MACROD2: variants seen among roughly 807,000 people sequenced by gnomAD.
MACROD2 encodes ADP-ribose glycohydrolase MACROD2.
MACROD2 carries 36 observed loss-of-function variants against 70.4 expected under a neutral mutation model. The observed-to-expected ratio is 0.51, with a 90% CI of 0.39 to 0.68. MACROD2 has a LOEUF of 0.68. MACROD2 is among the 30% of genes least tolerant of loss of function. The pLI, the probability that MACROD2 is intolerant of heterozygous loss-of-function variation, is 0.00. For synonymous variants in MACROD2, 172 were observed against 178.8 expected, an observed-to-expected ratio of 0.96 and a Z score of 0.30; for missense variants, 496 against 538.4, an observed-to-expected ratio of 0.92 and a Z score of 0.78.
intron 5 of MACROD2, among the ~76,000 whole-genome samples, chr20:14,707,088 A>G (rs533069133): frequency 6.6e-6 from 1 of 152,202 alleles, no homozygotes; most frequent in South Asian, 2.1e-4. Context: ...AGGATCCCAG[A>G]TTTTATAAAA....
chr20:15,635,785 C>A (rs1208233706), intron 8 of MACROD2, among the ~76,000 whole-genome samples: 1 of 151,922 alleles, frequency 6.6e-6, no homozygotes, highest in Non-Finnish European at 1.5e-5. Context: ...TCCCCAAGGG[C>A]AGCTGGGCAC....
intron 8 of MACROD2, among the ~76,000 whole-genome samples, chr20:15,555,895 A>T (rs1368262036): frequency 6.6e-6 from 1 of 150,780 alleles, no homozygotes; most frequent in Non-Finnish European, 1.5e-5. Context: ...ATTAACTGGG[A>T]TTGAAAGTGT....
At chr20:15,111,348 G>A (rs2123221875) in intron 5 of MACROD2, among the ~76,000 whole-genome samples, 1 of 151,728 alleles carries the variant, frequency 6.6e-6, no homozygotes, top group Non-Finnish European at 1.5e-5. Context: ...AATTGTTGTA[G>A]TTTTAGTAGA....
rs556285719 is a variant in MACROD2 at position 14,807,690 on chromosome 20, C to G, written c.418+122731C>G. Reference sequence around the variant, plus strand: ...AACCCAATGGAAGGAAGCTAAGAACCTTGATAAAAGGTTAGAGGAACGGCT... The same window carrying G: ...AACCCAATGGAAGGAAGCTAAGAACGTTGATAAAAGGTTAGAGGAACGGCT... On this transcript the variant is annotated intron_variant, in intron 5 of 17. Coordinates refer to ENST00000684519, the MANE Select transcript of MACROD2 (RefSeq NM_001351661.2). Among the ~76,000 whole-genome samples, 66 of 152,142 alleles carry G rather than the reference C, an allele frequency of 4.3e-4. No individual in the cohort carries two copies. The Middle Eastern group carries it at 0.014, about 31-fold the overall frequency.
intron 7 of MACROD2, among the ~76,000 whole-genome samples, chr20:15,481,630 A>G (rs2146455187): frequency 6.6e-6 from 1 of 152,288 alleles, no homozygotes; most frequent in Middle Eastern, 3.4e-3. Context: ...AAGAAAAGCC[A>G]GAGAGCCTAC....
intron 5 of MACROD2, among the ~76,000 whole-genome samples, chr20:14,727,897 G>A (rs1188714241): frequency 6.6e-6 from 1 of 152,052 alleles, no homozygotes. Flanking sequence ...TTATATTAGT[G>A]ACTATTTTAA....
intron 8 of MACROD2, among the ~76,000 whole-genome samples, chr20:15,586,428 T>C (rs957867350): frequency 6.6e-6 from 1 of 152,254 alleles, no homozygotes; most frequent in Admixed American, 6.5e-5. Flanking sequence ...CATTAATTGA[T>C]TTTTCTTTTA....
intron 5 of MACROD2, among the ~76,000 whole-genome samples, chr20:15,035,520 TATCTC>T (rs545271826): frequency 7.2e-4 from 110 of 152,306 alleles, no homozygotes; most frequent in Non-Finnish European, 1.1e-3. Flanking sequence ...AATTTGATCT[TATCTC>T]AAGCCAGCAA....
chr20:14,798,315 AT>A (rs1289837157), intron 5 of MACROD2, among the ~76,000 whole-genome samples: 3 of 151,932 alleles, frequency 2.0e-5, no homozygotes, highest in Middle Eastern at 3.2e-3. Flanking sequence ...CAAAAGTCTA[AT>A]TTTTTTCCCT....
chr20:14,530,246 G>C (rs1230456434), intron 4 of MACROD2, among the ~76,000 whole-genome samples: 5 of 152,154 alleles, frequency 3.3e-5, no homozygotes, highest in East Asian at 1.9e-4. Flanking sequence ...TTCAGGCAAA[G>C]ACATACAGAT....
intron 5 of MACROD2, among the ~76,000 whole-genome samples, chr20:14,796,397 C>A (rs980662591): frequency 6.6e-6 from 1 of 152,022 alleles, no homozygotes; most frequent in African/African-American, 2.4e-5. Flanking sequence ...GGTACTTCAT[C>A]TGAATAACCA....
At chr20:15,201,072 A>T (rs2076651968) in intron 5 of MACROD2, among the ~76,000 whole-genome samples, 1 of 152,162 alleles carries the variant, frequency 6.6e-6, no homozygotes, top group Non-Finnish European at 1.5e-5. Context: ...GCTGCTGCTG[A>T]TCTGCAAACC....
intron 4 of MACROD2, among the ~76,000 whole-genome samples, chr20:14,581,488 T>A (rs1252286161): frequency 6.6e-6 from 1 of 152,232 alleles, no homozygotes; most frequent in African/African-American, 2.4e-5. Context: ...CATGACTTCC[T>A]TAATTTAGAA....
chr20:15,559,226 CAAAAAAAAAAAAAAA>C (rs148608040), intron 8 of MACROD2, among the ~76,000 whole-genome samples: 14 of 43,230 alleles, frequency 3.2e-4, no homozygotes, highest in Non-Finnish European at 2.4e-4. Flanking sequence ...AACTCCGTCT[CAAAAAAAAAAAAAAA>C]AAAAAAAAAA....
chr20:15,402,161 G>T (rs2045939055), intron 6 of MACROD2, among the ~76,000 whole-genome samples: 1 of 152,074 alleles, frequency 6.6e-6, no homozygotes, highest in East Asian at 1.9e-4. Flanking sequence ...GCTGCTATGG[G>T]TCAGGGGAGA....
At chr20:14,017,303 T>C (rs2053007223) in intron 2 of MACROD2, among the ~76,000 whole-genome samples, 1 of 152,134 alleles carries the variant, frequency 6.6e-6, no homozygotes, top group African/African-American at 2.4e-5. Context: ...CTAGTTTGAA[T>C]GTCTTTTATT....
intron 6 of MACROD2, among the ~76,000 whole-genome samples, chr20:15,334,974 A>G (rs966166781): frequency 1.3e-5 from 2 of 151,712 alleles, no homozygotes; most frequent in African/African-American, 4.9e-5. Flanking sequence ...CTTTAACCAT[A>G]TTCTTATAGT....
At chr20:14,531,603 A>G (rs2085304923) in intron 4 of MACROD2, among the ~76,000 whole-genome samples, 1 of 152,202 alleles carries the variant, frequency 6.6e-6, no homozygotes, top group Non-Finnish European at 1.5e-5. Flanking sequence ...ACAGAAACCC[A>G]AGAAAACTTA....
At chr20:15,538,261 G>A (rs564975218) in intron 8 of MACROD2, among the ~76,000 whole-genome samples, 15 of 152,234 alleles carry the variant, frequency 9.9e-5, no homozygotes, top group African/African-American at 3.6e-4. Context: ...ACTGGGCTGG[G>A]TGCTGAGACA....
Sources: allele counts gnomAD v4.1 joint callset (sites outside exome capture counted in the v4.1 genomes callset), GRCh38; gene constraint gnomAD v4.1.1; transcripts MANE v1.5; gene names NCBI Gene and HGNC (gene_info 2026-07-23, HGNC 2026-07-21).